Variants in THEMIS observed in about 807,000 individuals in gnomAD.
THEMIS encodes protein THEMIS.
A neutral mutation model predicts 52.6 loss-of-function variants in THEMIS; 37 were observed. That is an observed-to-expected ratio of 0.70 (90% confidence interval 0.54 to 0.93). The LOEUF (loss-of-function observed/expected upper bound fraction) is 0.93, where lower values mean the gene tolerates loss of function less well. Among genes scored for constraint, THEMIS ranks in the 40% least tolerant of loss-of-function variants. The pLI, the probability that THEMIS is intolerant of heterozygous loss-of-function variation, is 0.00. For synonymous variants in THEMIS, 292 were observed against 272.7 expected (o/e 1.07, Z -0.70); for missense variants, 808 against 763.1 (o/e 1.06, Z -0.69).
intron 4 of THEMIS, among the ~76,000 whole-genome samples, chr6:127,774,430 C>A (rs930841048): frequency 6.6e-6 from 1 of 152,182 alleles, no homozygotes; most frequent in Admixed American, 6.5e-5. Flanking sequence ...TGGTCTCGAT[C>A]TCCTGACCCC....
At chr6:127,884,465 C>G (rs1196926184) in intron 1 of THEMIS, among the ~76,000 whole-genome samples, 2 of 152,076 alleles carry the variant, frequency 1.3e-5, no homozygotes, top group Non-Finnish European at 2.9e-5. Flanking sequence ...TTTAGTTACT[C>G]TTTCAATTAA....
intron 4 of THEMIS, among the ~76,000 whole-genome samples, chr6:127,748,336 C>A (rs1446914972): frequency 1.3e-5 from 2 of 151,832 alleles, no homozygotes; most frequent in African/African-American, 4.8e-5. Flanking sequence ...CATGCTGTGG[C>A]AAAACATGGA....
At chr6:127,776,761 A>T (rs536246309) in intron 4 of THEMIS, among the ~76,000 whole-genome samples, 1 of 152,316 alleles carries the variant, frequency 6.6e-6, no homozygotes, top group Admixed American at 6.5e-5. Context: ...CTTCTTGGTG[A>T]ATGTTCTGTT....
chr6:127,872,020 T>G (rs1398862737), intron 1 of THEMIS, among the ~76,000 whole-genome samples: 1 of 151,910 alleles, frequency 6.6e-6, no homozygotes, highest in Admixed American at 6.6e-5. Flanking sequence ...ATAAATAAAA[T>G]AAACCAATTC....
chr6:127,824,835 G>T (rs1203616181), intron 3 of THEMIS, among the ~76,000 whole-genome samples: 1 of 152,134 alleles, frequency 6.6e-6, no homozygotes, highest in African/African-American at 2.4e-5. Flanking sequence ...TGAGGCAGGA[G>T]AATGGCGTGA....
chr6:127,766,860 T>C (rs182222688), intron 4 of THEMIS, among the ~76,000 whole-genome samples: 1 of 152,314 alleles, frequency 6.6e-6, no homozygotes, highest in African/African-American at 2.4e-5. Flanking sequence ...GAGTGAATAG[T>C]GTGAGTGACT....
chr6:127,910,994 A>G (rs1219397246), intron 1 of THEMIS, among the ~76,000 whole-genome samples: 1 of 152,026 alleles, frequency 6.6e-6, no homozygotes, highest in Non-Finnish European at 1.5e-5. Context: ...CATTTTGTAG[A>G]ATGTGCCTCA....
At chr6:127,782,732 T>G (rs1462725178) in intron 4 of THEMIS, among the ~76,000 whole-genome samples, 1 of 120,874 alleles carries the variant, frequency 8.3e-6, no homozygotes, top group Non-Finnish European at 1.8e-5. Flanking sequence ...AGACTTGAGC[T>G]GTTCCTATTT....
rs373934545 is a variant in THEMIS, at chr6:127,813,890, C to T, written c.751G>A (p.Glu251Lys). 1.2e-6 allele frequency: 2 copies of T among 1,600,584 alleles called. No individual in the cohort carries two copies. Among genetic ancestry groups the T allele is most frequent in the Non-Finnish European group, 8.5e-7 (1 of 1,175,546 alleles). ...IIRILPSLDV[E>K]VKDITDSYDA... ...TAAGAATCAGTGATGTCTTTGACTT[C>T]GACATCTAGACTGGGGAGGATGCGG... is the stretch of plus-strand genomic sequence containing the variant. The change falls in exon 4 of 6, where the codon GAA (glutamate) becomes AAA (lysine). Residue 251 changes from glutamate to lysine, a missense_variant. Glu to Lys is a moderately conservative substitution (Grantham distance 56). Transcript: ENST00000368248.
chr6:127,828,858 G>T (rs1311534948), intron 3 of THEMIS, among the ~76,000 whole-genome samples: 1 of 152,078 alleles, frequency 6.6e-6, no homozygotes, highest in Non-Finnish European at 1.5e-5. Context: ...GGAGGCTGAG[G>T]CAGGAGAATC....
intron 2 of THEMIS, among the ~76,000 whole-genome samples, chr6:127,845,806 G>T (rs981617356): frequency 2.6e-5 from 4 of 151,694 alleles, no homozygotes; most frequent in Admixed American, 2.6e-4. Context: ...AAAAAGAATA[G>T]CTGGGAAATG....
intron 2 of THEMIS, among the ~76,000 whole-genome samples, chr6:127,847,158 C>T (rs1779242569): frequency 6.6e-6 from 1 of 151,878 alleles, no homozygotes; most frequent in African/African-American, 2.4e-5. Context: ...CCACATATGA[C>T]AAACCCACAG....
intron 5 of THEMIS, among the ~76,000 whole-genome samples, chr6:127,716,574 G>C (rs775131612): frequency 5.9e-5 from 9 of 151,856 alleles, no homozygotes; most frequent in Non-Finnish European, 1.2e-4. Context: ...TGAGGTCTTT[G>C]TTGTGACTGT....
At chr6:127,912,955 C>T (rs967097024) in intron 1 of THEMIS, among the ~76,000 whole-genome samples, 2 of 152,148 alleles carry the variant, frequency 1.3e-5, no homozygotes, top group South Asian at 2.1e-4. Context: ...TGAATCTTCT[C>T]GTCTAAGCAA....
At chr6:127,861,373 A>C (rs1779790559) in intron 1 of THEMIS, among the ~76,000 whole-genome samples, 1 of 152,198 alleles carries the variant, frequency 6.6e-6, no homozygotes, top group Non-Finnish European at 1.5e-5. Flanking sequence ...AATGGATTAC[A>C]GTGTGTTCGC....
chr6:127,735,318 CGTGT>C (rs147119256), intron 4 of THEMIS, among the ~76,000 whole-genome samples: 4 of 140,868 alleles, frequency 2.8e-5, no homozygotes, highest in Non-Finnish European at 3.1e-5. Context: ...GGCGTGTGTG[CGTGT>C]GTGTGTGTGT....
intron 4 of THEMIS, among the ~76,000 whole-genome samples, chr6:127,770,446 C>T (rs1175931412): frequency 1.3e-5 from 2 of 152,144 alleles, no homozygotes; most frequent in African/African-American, 2.4e-5. Context: ...TGTTCATATC[C>T]TTTGCCCACT....
At chr6:127,763,908 A>G (rs1284559040) in intron 4 of THEMIS, among the ~76,000 whole-genome samples, 1 of 151,940 alleles carries the variant, frequency 6.6e-6, no homozygotes, top group Non-Finnish European at 1.5e-5. Flanking sequence ...GGAAAATTTT[A>G]ATTACATATA....
At chr6:127,802,217 C>A (rs1777559462) in intron 4 of THEMIS, among the ~76,000 whole-genome samples, 1 of 152,126 alleles carries the variant, frequency 6.6e-6, no homozygotes, top group Non-Finnish European at 1.5e-5. Flanking sequence ...TCACTTTAGA[C>A]CTACTCATCC....
Sources: allele counts gnomAD v4.1 joint callset (sites outside exome capture counted in the v4.1 genomes callset), GRCh38; gene constraint gnomAD v4.1.1; transcripts MANE v1.5; gene names NCBI Gene and HGNC (gene_info 2026-07-23, HGNC 2026-07-21).